KPNA3: variants seen among roughly 807,000 people sequenced by gnomAD.
KPNA3 encodes importin subunit alpha-4.
A neutral mutation model predicts 73.8 loss-of-function variants in KPNA3; 13 were observed. The observed-to-expected ratio is 0.18, with a 90% CI of 0.11 to 0.28. The LOEUF is 0.28. KPNA3 is among the 10% of genes least tolerant of loss of function. KPNA3 has a pLI of 1.00. For synonymous variants in KPNA3, 186 were observed against 206.9 expected, an observed-to-expected ratio of 0.90 and a Z score of 0.87; for missense variants, 360 against 618.1, an observed-to-expected ratio of 0.58 and a Z score of 4.43.
At chr13:49,720,312 A>C (rs185977757) in intron 9 of KPNA3, among the ~76,000 whole-genome samples, 1 of 152,374 alleles carries the variant, frequency 6.6e-6, no homozygotes, top group South Asian at 2.1e-4. Context: ...GAACCAGTAC[A>C]AAGTACAAAG....
intron 1 of KPNA3, among the ~76,000 whole-genome samples, chr13:49,765,240 A>G (rs1954799462): frequency 6.6e-6 from 1 of 152,256 alleles, no homozygotes; most frequent in Non-Finnish European, 1.5e-5. Flanking sequence ...TGTTATAAAT[A>G]GAATACATGT....
chr13:49,773,152 C>G (rs1954868928), intron 1 of KPNA3, among the ~76,000 whole-genome samples: 1 of 152,040 alleles, frequency 6.6e-6, no homozygotes. Context: ...AAACGAAATT[C>G]TGGAAAAGGC....
In KPNA3 at chr13:49,724,247, A is replaced by C. The variant is rs116192372; in HGVS notation, c.469+1169T>G. Among the ~76,000 whole-genome samples the C allele has an allele frequency of 1.1e-3, 175 of 152,246 alleles. 1 individual carries two copies. The highest frequency in any genetic ancestry group is 4.0e-3 in the African/African-American group (168 of 41,550). ...ATATTTATGTACAAGTGTTTGTATG[A>C]ATATGTTTTCATATCTCTTGGTTTC... On this transcript the variant is annotated intron_variant, in intron 7 of 16. Transcript: ENST00000261667.
At chr13:49,756,957 A>G (rs958361592) in intron 1 of KPNA3, among the ~76,000 whole-genome samples, 2 of 152,220 alleles carry the variant, frequency 1.3e-5, no homozygotes, top group Non-Finnish European at 2.9e-5. Context: ...GGAGGACATC[A>G]ATAGACTTTT....
rs1380880962 is a variant in KPNA3 at position 49,792,359 on chromosome 13, C to G, written c.69+79G>C. ...CGACCACAAGCCGACGAGAACCAGC[C>G]CGGCGCCGGCCCCCCGCCCCTCCCC... On this transcript the variant is annotated intron_variant, in intron 1 of 16. Transcript: ENST00000261667. 9 of 987,236 alleles carry G rather than the reference C, an allele frequency of 9.1e-6. No homozygotes were observed. The African/African-American group carries it at 1.4e-4, about 15-fold the overall frequency. 61.2% of individuals were successfully genotyped at this position (987,236 alleles called of 1,614,324 possible).
intron 2 of KPNA3, among the ~76,000 whole-genome samples, chr13:49,738,628 G>A (rs1220363771): frequency 6.6e-6 from 1 of 152,080 alleles, no homozygotes; most frequent in Non-Finnish European, 1.5e-5. Flanking sequence ...AAATTGTATT[G>A]TTTTTAATTT....
At chr13:49,786,644 A>G (rs1208031568) in intron 1 of KPNA3, among the ~76,000 whole-genome samples, 1 of 152,212 alleles carries the variant, frequency 6.6e-6, no homozygotes, top group African/African-American at 2.4e-5. Flanking sequence ...GGCACACAGA[A>G]CAGCATATAC....
intron 12 of KPNA3, among the ~76,000 whole-genome samples, chr13:49,707,991 T>C (rs1198191005): frequency 7.1e-5 from 7 of 98,432 alleles, no homozygotes; most frequent in Non-Finnish European, 9.9e-5. Flanking sequence ...TTTCTTTTTC[T>C]TTTTTCCTTT....
Position 49,703,174 on chromosome 13 carries a change from T to A in KPNA3, c.1373-694A>T, listed in dbSNP as rs532192966. Among the ~76,000 whole-genome samples the A allele has an allele frequency of 4.7e-3, 590 of 124,252 alleles. 6 individuals are homozygous for A. The highest frequency in any genetic ancestry group is 0.016 in the African/African-American group (564 of 34,580). The allele number at this position is 124,252 out of a possible 152,430, so 81.5% of individuals were successfully genotyped here. A position where few individuals can be genotyped will look rare whatever the true frequency, so the allele number is the denominator to read the frequency against. ...TGAGCCACTGCGCCTGGGCATTTTT[T>A]CTTTCTTTCTTTTTTTTTTTTTTTT... On this transcript the variant is annotated intron_variant, in intron 15 of 16. Transcript: ENST00000261667.
chr13:49,781,412 A>G (rs1020175259), intron 1 of KPNA3, among the ~76,000 whole-genome samples: 19 of 152,208 alleles, frequency 1.2e-4, no homozygotes, highest in Admixed American at 1.3e-4. Context: ...GAAGAAAATG[A>G]AGAAATGAAG....
intron 2 of KPNA3, among the ~76,000 whole-genome samples, chr13:49,737,107 G>A (rs925048866): frequency 1.3e-5 from 2 of 151,988 alleles, no homozygotes; most frequent in African/African-American, 4.8e-5. Context: ...ACCCATTAAA[G>A]GCCATCTGTG....
At chr13:49,750,477 G>T (rs1954652655) in intron 1 of KPNA3, among the ~76,000 whole-genome samples, 2 of 151,944 alleles carry the variant, frequency 1.3e-5, no homozygotes, top group African/African-American at 4.8e-5. Flanking sequence ...TTTTTGTAGA[G>T]GTAGTATCTC....
Position 49,723,225 on chromosome 13 carries a change from C to A in KPNA3, c.470-662G>T, listed in dbSNP as rs529389351. ...AATTCAATGACATTTCATATTTATA[C>A]AGAGTTGTGAGGACATCGCCACAAT... On this transcript the variant is annotated intron_variant, in intron 7 of 16. Transcript: ENST00000261667. Among the ~76,000 whole-genome samples the A allele has an allele frequency of 2.6e-5, 4 of 152,100 alleles. No individual in the cohort carries two copies. In the South Asian group the frequency reaches 8.3e-4, roughly 32 times the overall value.
chr13:49,728,135 T>C (rs886228142), intron 6 of KPNA3, among the ~76,000 whole-genome samples: 4 of 150,720 alleles, frequency 2.7e-5, no homozygotes, highest in African/African-American at 9.8e-5. Context: ...CTCGGGAGGC[T>C]GAGGCAGGAG....
chr13:49,780,906 A>AG (rs966093961), intron 1 of KPNA3, among the ~76,000 whole-genome samples: 4 of 151,872 alleles, frequency 2.6e-5, no homozygotes, highest in Middle Eastern at 3.2e-3. Context: ...TTTTTAGTAG[A>AG]GACAGCGTTT....
intron 1 of KPNA3, among the ~76,000 whole-genome samples, chr13:49,775,502 T>C (rs1224107037): frequency 6.6e-6 from 1 of 152,186 alleles, no homozygotes; most frequent in Non-Finnish European, 1.5e-5. Context: ...TCCATATGGC[T>C]GTACACTGTC....
chr13:49,733,595 CG>C (rs1002756395), intron 2 of KPNA3, among the ~76,000 whole-genome samples: 9 of 152,198 alleles, frequency 5.9e-5, no homozygotes, highest in Admixed American at 3.3e-4. Flanking sequence ...TGCCTATTTG[CG>C]TAAGTTTGCT....
intron 1 of KPNA3, among the ~76,000 whole-genome samples, chr13:49,780,010 C>T (rs1393062665): frequency 1.3e-5 from 2 of 152,118 alleles, no homozygotes; most frequent in African/African-American, 4.8e-5. Context: ...ACCATTTTCA[C>T]CTCTTCTCCT....
intron 6 of KPNA3, among the ~76,000 whole-genome samples, chr13:49,731,143 T>C (rs1954464870): frequency 6.7e-6 from 1 of 150,088 alleles, no homozygotes; most frequent in Admixed American, 6.6e-5. Flanking sequence ...GGCATGATAT[T>C]GGCTCAGGAC....
Sources: gnomAD v4.1 joint callset for allele counts (sites outside exome capture counted in the v4.1 genomes callset) on GRCh38, gnomAD v4.1.1 for gene constraint, MANE v1.5 for transcripts, NCBI Gene and HGNC (gene_info 2026-07-23, HGNC 2026-07-21) for gene names.